Variants in MYT1 observed in about 807,000 individuals in gnomAD.
MYT1 encodes the protein myelin transcription factor 1.
A neutral mutation model predicts 123.0 loss-of-function variants in MYT1; 23 were observed. The observed-to-expected ratio is 0.19, with a 90% CI of 0.13 to 0.26. The LOEUF (loss-of-function observed/expected upper bound fraction) is 0.26. Among genes scored for constraint, MYT1 ranks in the 10% least tolerant of loss-of-function variants. The pLI is 1.00. For missense variants in MYT1, 1,125 were observed against 1,472.5 expected, an observed-to-expected ratio of 0.76 and a Z score of 3.86; for synonymous variants, 518 against 575.3, an observed-to-expected ratio of 0.90 and a Z score of 1.43.
intron 8 of MYT1, 131 bp from the exon 9 acceptor site, chr20:64,211,917 C>A: frequency 1.4e-6 from 1 of 739,644 alleles, no homozygotes; most frequent in Non-Finnish European, 2.4e-6. Context: ...TGCTGTGTCC[C>A]CCACCTGCCT....
In MYT1 at chr20:64,178,519, G is replaced by A. The variant is rs373144466; in HGVS notation, c.-98-11544G>A. Among the ~76,000 whole-genome samples the A allele has an allele frequency of 3.6e-3, 540 of 151,884 alleles. 2 individuals are homozygous for A. Among genetic ancestry groups the A allele is most frequent in the South Asian group, 0.02 (96 of 4,744 alleles). Reference sequence around the variant, plus strand: ...CCCTTCAACGTGGGAGCACTGAGCCGTTATTCGGTGGGATACCCTTCAACG... The same window carrying A: ...CCCTTCAACGTGGGAGCACTGAGCCATTATTCGGTGGGATACCCTTCAACG... On this transcript the variant is annotated intron_variant, in intron 1 of 22. Coordinates refer to ENST00000328439, the MANE Select transcript of MYT1 (RefSeq NM_004535.3).
rs536719245 is a variant in MYT1, at chr20:64,225,320, C to T, written c.2528+1961C>T. ...TGGGTGACGGTGGCCTTGGGACAAA[C>T]GAGGTTCCTTTCATGACTTCCCTGT... On this transcript the variant is annotated intron_variant, in intron 16 of 22. Coordinates refer to ENST00000328439, the MANE Select transcript of MYT1 (RefSeq NM_004535.3). Among the ~76,000 whole-genome samples the T allele has an allele frequency of 6.6e-5, 10 of 152,306 alleles. No individual in the cohort carries two copies. In the South Asian group the frequency reaches 8.3e-4, roughly 13 times the overall value.
intron 1 of MYT1, among the ~76,000 whole-genome samples, chr20:64,188,049 C>T (rs1601705007): frequency 6.6e-6 from 1 of 152,000 alleles, no homozygotes; most frequent in South Asian, 2.1e-4. Flanking sequence ...GAGCCCAGGG[C>T]TGACTGACCT....
intron 6 of MYT1, 137 bp downstream of exon 6, chr20:64,205,937 T>C (rs1983479316): frequency 1.5e-6 from 2 of 1,373,706 alleles, no homozygotes; most frequent in Admixed American, 2.5e-5. Context: ...TGTCCCAACA[T>C]GTGCTGGGCT....
At chr20:64,222,456 G>A (rs946302692) in intron 14 of MYT1, among the ~76,000 whole-genome samples, 3 of 152,232 alleles carry the variant, frequency 2.0e-5, no homozygotes, top group Non-Finnish European at 2.9e-5. Context: ...GGAATGTACT[G>A]CCTTAGGGCT....
At chr20:64,198,522 G>T (rs1345857330) in intron 2 of MYT1, among the ~76,000 whole-genome samples, 5 of 152,162 alleles carry the variant, frequency 3.3e-5, no homozygotes, top group African/African-American at 1.2e-4. Context: ...ATAACATACG[G>T]ACATTCATCA....
Position 64,213,797 on chromosome 20 carries a change from A to G in MYT1, c.1631+150A>G. ...AGTGTACGTGCATGTGAGTGTGCAC[A>G]TGCCCCGGGCCCCCCAGGAGCAGAA... On this transcript the variant is annotated intron_variant, in intron 10 of 22. Transcript: ENST00000328439. This position sits in a 1 kb window ranked among gnomAD's most constrained non-coding sequence, Gnocchi z 5.6. 4.3e-6 allele frequency: 3 copies of G among 691,828 alleles called. No individual in the cohort carries two copies. The highest frequency in any genetic ancestry group is 4.9e-6 in the Non-Finnish European group (2 of 407,796). 42.9% of individuals were successfully genotyped at this position (691,828 alleles called of 1,614,324 possible).
chr20:64,173,801 CCTG>C (rs201744676), intron 1 of MYT1, among the ~76,000 whole-genome samples: 10 of 18,458 alleles, frequency 5.4e-4, no homozygotes, highest in South Asian at 0.012. Flanking sequence ...AGCATCTTTC[CCTG>C]TAGTTGTGTC....
chr20:64,208,093 A>G lies in MYT1; in HGVS notation c.897A>G (p.Glu299=), dbSNP rs752000304. The stretch of plus-strand genomic sequence containing the variant: ...AAGAGGAAGAGGAGGAGGAAGAGGA[A>G]GAGGAAGAGGAGGAGGAGGAGGCAG... The part of the protein sequence containing the change: ...EEEEEEEEEE[E]EEEEEEEAAP... The change falls in exon 7 of 23, where the codon GAA becomes GAG. Residue 299 remains glutamate, a synonymous_variant. Coordinates refer to ENST00000328439, the MANE Select transcript of MYT1 (RefSeq NM_004535.3). This position sits in a 1 kb window ranked among gnomAD's most constrained non-coding sequence, Gnocchi z 5.4. The G allele has an allele frequency of 9.3e-6, 15 of 1,608,136 alleles. No homozygotes were observed. Among genetic ancestry groups the G allele is most frequent in the South Asian group, 6.7e-5 (6 of 89,774 alleles).
chr20:64,192,409 C>T lies in MYT1; in HGVS notation c.-1+2249C>T, dbSNP rs1033001688. Among the ~76,000 whole-genome samples the T allele has an allele frequency of 1.3e-5, 2 of 152,188 alleles. No individual in the cohort carries two copies. Among genetic ancestry groups the T allele is most frequent in the African/African-American group, 2.4e-5 (1 of 41,438 alleles). On this transcript the variant is annotated intron_variant, in intron 2 of 22. Transcript: ENST00000328439. This position sits in a 1 kb window ranked among gnomAD's most constrained non-coding sequence, Gnocchi z 5.3. Reference sequence around the variant, plus strand: ...GAGGGTGGCAGCAGAGGGCATAAGCCGTGGTCACAGTGTGAGAATGTCACA... The same window carrying T: ...GAGGGTGGCAGCAGAGGGCATAAGCTGTGGTCACAGTGTGAGAATGTCACA...
intron 6 of MYT1, among the ~76,000 whole-genome samples, 181 bp from the exon 7 acceptor site, chr20:64,207,413 G>A (rs1983512310): frequency 6.6e-6 from 1 of 152,182 alleles, no homozygotes; most frequent in South Asian, 2.1e-4. Context: ...GATTCAGGCA[G>A]AAGGGTTGAC....
At chr20:64,215,649 A>G (rs939044984) in intron 10 of MYT1, among the ~76,000 whole-genome samples, 1 of 151,830 alleles carries the variant, frequency 6.6e-6, no homozygotes, top group Non-Finnish European at 1.5e-5. Flanking sequence ...AGTGGTTTCA[A>G]TCATAACTCA....
At chr20:64,227,630 G>C (rs960098005) in intron 17 of MYT1, among the ~76,000 whole-genome samples, 153 bp downstream of exon 17, 2 of 152,214 alleles carry the variant, frequency 1.3e-5, no homozygotes, top group African/African-American at 4.8e-5. Flanking sequence ...ACCTGATTAA[G>C]TTGTCCTCTG....
At position 64,202,886 on chromosome 20, in the gene MYT1, C is replaced by T. The variant is rs1169039983; in HGVS notation, c.87-2149C>T. On this transcript the variant is annotated intron_variant, in intron 4 of 22. Coordinates refer to ENST00000328439, the MANE Select transcript of MYT1 (RefSeq NM_004535.3). The surrounding 1 kb of genome is among the most constrained non-coding windows in gnomAD (Gnocchi z 5.0). The stretch of plus-strand genomic sequence containing the variant: ...CCCGGAGAAAAGAGGCTCGGGAGTC[C>T]TGGAGCCCTGGCCGTCTTCCTCTCC... 1.3e-5 allele frequency among the ~76,000 whole-genome samples: 2 copies of T among 152,184 alleles called. No individual in the cohort carries two copies. The highest frequency in any genetic ancestry group is 2.4e-5 in the African/African-American group (1 of 41,438).
chr20:64,214,221 G>A (rs769560229), intron 10 of MYT1, among the ~76,000 whole-genome samples: 8 of 152,102 alleles, frequency 5.3e-5, no homozygotes, highest in Non-Finnish European at 8.8e-5. Context: ...ATGTGGGAGC[G>A]TGTGTGTGCA....
At chr20:64,169,173 C>G (rs1982169899) in intron 1 of MYT1, among the ~76,000 whole-genome samples, 2 of 152,120 alleles carry the variant, frequency 1.3e-5, no homozygotes, top group Non-Finnish European at 2.9e-5. Flanking sequence ...ACCTGTCCTG[C>G]CTGAGTGGGA....
chr20:64,218,764 T>G lies in MYT1; in HGVS notation c.1847-147T>G. On this transcript the variant is annotated intron_variant, in intron 11 of 22. Coordinates refer to ENST00000328439, the MANE Select transcript of MYT1 (RefSeq NM_004535.3). The surrounding 1 kb of genome is among the most constrained non-coding windows in gnomAD (Gnocchi z 4.0). ...CCCTCCCAAAGTGCCCCCTCCCCACTGACTTGTCTGCATTGCTGCCTCTTT... is the reference window on the plus strand; with the variant it reads ...CCCTCCCAAAGTGCCCCCTCCCCACGGACTTGTCTGCATTGCTGCCTCTTT... 1.3e-6 allele frequency: 1 copy of G among 751,270 alleles called. No individual in the cohort carries two copies. Among genetic ancestry groups the G allele is most frequent in the Non-Finnish European group, 2.1e-6 (1 of 470,880 alleles). The allele number at this position is 751,270 out of a possible 1,614,324, so 46.5% of individuals were successfully genotyped here.
chr20:64,231,145 G>A lies in MYT1; in HGVS notation c.2676-1019G>A, dbSNP rs1311875586. On this transcript the variant is annotated intron_variant, in intron 18 of 22. Transcript: ENST00000328439. This position sits in a 1 kb window ranked among gnomAD's most constrained non-coding sequence, Gnocchi z 6.4. ...AAATGGAGCCATGGTGACCTCTCGG[G>A]GTCTTGTGTTGCCAGGTAATCAGCA... Among the ~76,000 whole-genome samples the A allele has an allele frequency of 6.6e-6, 1 of 152,144 alleles. No homozygotes were observed. Among genetic ancestry groups the A allele is most frequent in the East Asian group, 1.9e-4 (1 of 5,188 alleles).
intron 13 of MYT1, among the ~76,000 whole-genome samples, chr20:64,220,539 T>A (rs1381470621): frequency 6.6e-6 from 1 of 152,196 alleles, no homozygotes; most frequent in Admixed American, 6.5e-5. Flanking sequence ...TTTTAGTTCC[T>A]TAAAACATGT....
Sources: gnomAD v4.1 joint callset for allele counts (sites outside exome capture counted in the v4.1 genomes callset) on GRCh38, gnomAD v4.1.1 for gene constraint, Gnocchi (gnomAD v3.1) non-coding constraint, MANE v1.5 for transcripts, NCBI Gene and HGNC (gene_info 2026-07-23, HGNC 2026-07-21) for gene names.